Variants in RGS6 observed in about 807,000 individuals in gnomAD.
The protein encoded by RGS6 is regulator of G protein signaling 6, also known as regulator of G-protein signaling 6.
In RGS6, 30 loss-of-function variants were observed where a neutral mutation model predicts 78.5. That is an observed-to-expected ratio of 0.38 (90% CI 0.29 to 0.52). RGS6 has a LOEUF of 0.52. Ranked by LOEUF, RGS6 falls within the 20% of genes least tolerant of loss-of-function variation. The pLI, the probability that RGS6 is intolerant of heterozygous loss-of-function variation, is 0.85. For missense variants in RGS6, 495 were observed against 609.7 expected, an observed-to-expected ratio of 0.81 and a Z score of 1.98; for synonymous variants, 206 against 206.0, an observed-to-expected ratio of 1.00 and a Z score of 0.00.
At chr14:71,893,150 G>A in the RGS6 span, among the ~76,000 whole-genome samples, 7 of 152,316 alleles carry the variant, frequency 4.6e-5, no homozygotes, top group South Asian at 1.5e-3. Flanking sequence ...TGGCTAGGTA[G>A]CATTTGAAAG....
intron 2 of RGS6, among the ~76,000 whole-genome samples, chr14:72,069,252 C>T (rs980306824): frequency 4.6e-5 from 7 of 151,750 alleles, no homozygotes; most frequent in Non-Finnish European, 8.8e-5. Flanking sequence ...GGATTACAGG[C>T]GTGAGCCACT....
At chr14:72,067,297 A>C (rs1307950743) in intron 2 of RGS6, among the ~76,000 whole-genome samples, 1 of 152,104 alleles carries the variant, frequency 6.6e-6, no homozygotes, top group Non-Finnish European at 1.5e-5. Context: ...AACATCACAC[A>C]CCAAGGCCTG....
intron 13 of RGS6, among the ~76,000 whole-genome samples, chr14:72,507,734 T>C (rs1389035288): frequency 6.6e-6 from 1 of 152,198 alleles, no homozygotes; most frequent in Non-Finnish European, 1.5e-5. Context: ...AGGCAGTCAC[T>C]ACAAAGTCTG....
chr14:72,014,803 T>C (rs1162008756), intron 2 of RGS6, among the ~76,000 whole-genome samples: 3 of 152,134 alleles, frequency 2.0e-5, no homozygotes, highest in Non-Finnish European at 4.4e-5. Context: ...GACAGTGTTT[T>C]AGATATTCCT....
intron 1 of RGS6, among the ~76,000 whole-genome samples, chr14:71,951,924 A>G (rs1035234856): frequency 2.0e-5 from 3 of 152,288 alleles, no homozygotes; most frequent in Admixed American, 6.5e-5. Flanking sequence ...AAAAAATACA[A>G]TTGAGTTTTA....
At chr14:71,990,195 C>T (rs1051146037) in intron 2 of RGS6, among the ~76,000 whole-genome samples, 113 of 152,216 alleles carry the variant, frequency 7.4e-4, no homozygotes, top group African/African-American at 2.6e-3. Context: ...GAGGGTTCTA[C>T]GCCTATAACT....
At chr14:72,440,707 C>A (rs908687002) in intron 3 of RGS6, among the ~76,000 whole-genome samples, 7 of 152,186 alleles carry the variant, frequency 4.6e-5, no homozygotes, top group African/African-American at 7.2e-5. Context: ...ACCACCGCGC[C>A]TGGTGAGCTA....
chr14:72,044,363 A>G (rs1203214307), intron 2 of RGS6, among the ~76,000 whole-genome samples: 1 of 152,192 alleles, frequency 6.6e-6, no homozygotes, highest in Non-Finnish European at 1.5e-5. Context: ...GAATCAGCGT[A>G]CTGAATAAGA....
At chr14:72,306,613 A>C (rs2067300478) in intron 2 of RGS6, among the ~76,000 whole-genome samples, 1 of 152,212 alleles carries the variant, frequency 6.6e-6, no homozygotes, top group African/African-American at 2.4e-5. Flanking sequence ...TTCATGGATG[A>C]CTTTGGAGGG....
chr14:72,357,952 A>G (rs1325045529), intron 3 of RGS6, among the ~76,000 whole-genome samples: 4 of 152,196 alleles, frequency 2.6e-5, no homozygotes, highest in Non-Finnish European at 5.9e-5. Context: ...TCTTAGGTCC[A>G]GGGCCCCACT....
At chr14:72,391,908 T>G (rs144047364) in intron 3 of RGS6, among the ~76,000 whole-genome samples, 2,774 of 152,344 alleles carry the variant, frequency 0.018, 96 homozygotes, top group African/African-American at 0.064. Flanking sequence ...TTCATCCATG[T>G]CCCTGCAAAG....
chr14:71,940,109 C>T (rs149190858), intron 1 of RGS6, among the ~76,000 whole-genome samples: 1 of 152,204 alleles, frequency 6.6e-6, no homozygotes, highest in Admixed American at 6.5e-5. Flanking sequence ...ATCTGACTTG[C>T]ATAAGCCCCT....
At chr14:72,353,012 T>C (rs1028730218) in intron 3 of RGS6, among the ~76,000 whole-genome samples, 4 of 152,218 alleles carry the variant, frequency 2.6e-5, no homozygotes, top group African/African-American at 9.6e-5. Context: ...ATATACCTTT[T>C]AGAATGGCTA....
At chr14:72,214,504 G>A (rs879633718) in intron 2 of RGS6, among the ~76,000 whole-genome samples, 1 of 152,162 alleles carries the variant, frequency 6.6e-6, no homozygotes, top group African/African-American at 2.4e-5. Flanking sequence ...TCCAAAACGT[G>A]ATTGAGCTAC....
chr14:72,310,451 C>T (rs1595640723), intron 2 of RGS6, among the ~76,000 whole-genome samples: 1 of 152,326 alleles, frequency 6.6e-6, no homozygotes, highest in East Asian at 1.9e-4. Context: ...TGCTGCCCAT[C>T]CCTTAGAGTG....
At chr14:72,021,594 G>A (rs913006672) in intron 2 of RGS6, among the ~76,000 whole-genome samples, 5 of 149,736 alleles carry the variant, frequency 3.3e-5, no homozygotes, top group African/African-American at 7.4e-5. Flanking sequence ...TCAGCCTCCC[G>A]AGTAGCTGGA....
At chr14:71,872,893 T>C in the RGS6 span, among the ~76,000 whole-genome samples, 2 of 152,204 alleles carry the variant, frequency 1.3e-5, no homozygotes, top group Admixed American at 6.5e-5. Flanking sequence ...CATGCGGTGT[T>C]TGGTTTTTTG....
intron 2 of RGS6, among the ~76,000 whole-genome samples, chr14:72,228,617 C>G (rs2048742201): frequency 6.6e-6 from 1 of 152,136 alleles, no homozygotes; most frequent in African/African-American, 2.4e-5. Flanking sequence ...AGAAGATGAA[C>G]TTGAATCGAA....
At chr14:72,536,643 A>C (rs2153500758) in intron 16 of RGS6, among the ~76,000 whole-genome samples, 1 of 152,260 alleles carries the variant, frequency 6.6e-6, no homozygotes, top group Non-Finnish European at 1.5e-5. Context: ...CCCTCACTGC[A>C]AAGTCCAGCC....
Sources: gnomAD v4.1 joint callset for allele counts (sites outside exome capture counted in the v4.1 genomes callset) on GRCh38, gnomAD v4.1.1 for gene constraint, MANE v1.5 for transcripts, NCBI Gene and HGNC (gene_info 2026-07-23, HGNC 2026-07-21) for gene names.